FGF14: variants seen among roughly 807,000 people sequenced by gnomAD.
The protein encoded by FGF14 is fibroblast growth factor homologous factor 4.
In FGF14, 5 loss-of-function variants were observed where a neutral mutation model predicts 25.5. That is an observed-to-expected ratio of 0.20 (90% CI 0.10 to 0.41). The LOEUF (loss-of-function observed/expected upper bound fraction) is 0.41, where lower values mean the gene tolerates loss of function less well. Ranked by LOEUF, FGF14 falls within the 10% of genes least tolerant of loss-of-function variation. The probability of loss-of-function intolerance (pLI) is 1.00; values close to 1 mark genes in which losing one functional copy is unlikely to be tolerated. For synonymous variants in FGF14, 138 were observed against 118.3 expected, an observed-to-expected ratio of 1.17 and a Z score of -1.08; for missense variants, 222 against 320.1, an observed-to-expected ratio of 0.69 and a Z score of 2.34.
At chr13:102,027,536 C>T (rs7992933) in intron 1 of FGF14, among the ~76,000 whole-genome samples, 10,955 of 151,942 alleles carry the variant, frequency 0.072, 1,296 homozygotes, top group African/African-American at 0.25. Flanking sequence ...TCTTGAATTC[C>T]CCCAATTTAC....
At position 101,916,683 on chromosome 13, in the gene FGF14, G is replaced by C; in HGVS notation, c.-38C>G. On this transcript the variant is annotated 5_prime_UTR_variant, in exon 1 of 5. Coordinates refer to ENST00000376143, the MANE Select transcript of FGF14 (RefSeq NM_004115.4). The stretch of plus-strand genomic sequence containing the variant: ...AACGGGTCCGGGGAGGGAGGGCGCG[G>C]GAGGACGGCGAGCCGGGGGCACCGG... 1 of 1,463,242 alleles carries C rather than the reference G, an allele frequency of 6.8e-7. No homozygotes were observed. Among genetic ancestry groups the C allele is most frequent in the Non-Finnish European group, 9.0e-7 (1 of 1,106,104 alleles). 90.6% of individuals were successfully genotyped at this position (1,463,242 alleles called of 1,614,324 possible).
chr13:102,228,514 A>AT (rs1439720596), intron 1 of FGF14, among the ~76,000 whole-genome samples: 1 of 152,184 alleles, frequency 6.6e-6, no homozygotes, highest in East Asian at 1.9e-4. Context: ...ATTGAAAACA[A>AT]TGTTCTCCTA....
chr13:102,400,934 G>A lies in FGF14; in HGVS notation c.208+537C>T, dbSNP rs935153320. On this transcript the variant is annotated intron_variant, in intron 1 of 4. Coordinates refer to the FGF14 transcript ENST00000376131. This position sits in a 1 kb window ranked among gnomAD's most constrained non-coding sequence, Gnocchi z 4.3. ...AATGCTCGGGCACCCGGAGCTGGAC[G>A]GGGGAGGGACGCGGGGGCTGACGGA... Among the ~76,000 whole-genome samples the A allele has an allele frequency of 6.6e-6, 1 of 152,166 alleles. No individual in the cohort carries two copies.
At chr13:102,393,148 C>T (rs915443734) in intron 1 of FGF14, among the ~76,000 whole-genome samples, 1 of 152,182 alleles carries the variant, frequency 6.6e-6, no homozygotes, top group African/African-American at 2.4e-5. Flanking sequence ...ATGACTCAGT[C>T]TGAGTTTTAT....
intron 1 of FGF14, among the ~76,000 whole-genome samples, chr13:102,258,959 T>G (rs1380249813): frequency 2.6e-5 from 4 of 152,158 alleles, no homozygotes; most frequent in African/African-American, 9.7e-5. Context: ...AATAGATAGA[T>G]AGTTTTACCT....
intron 1 of FGF14, among the ~76,000 whole-genome samples, chr13:102,297,636 A>G (rs2054791129): frequency 6.6e-6 from 1 of 152,072 alleles, no homozygotes; most frequent in Admixed American, 6.6e-5. Context: ...TTATAATCCC[A>G]GCACTTTGGG....
At chr13:102,099,327 G>A (rs537386051) in intron 1 of FGF14, among the ~76,000 whole-genome samples, 30 of 152,314 alleles carry the variant, frequency 2.0e-4, no homozygotes, top group Admixed American at 9.8e-4. Context: ...GTATTTACGT[G>A]CAGAGAAACA....
At chr13:102,152,672 G>A (rs894856558) in intron 1 of FGF14, among the ~76,000 whole-genome samples, 2 of 152,140 alleles carry the variant, frequency 1.3e-5, no homozygotes, top group Non-Finnish European at 2.9e-5. Context: ...GGATCCATAA[G>A]TAACTGAAAC....
chr13:102,309,743 A>G (rs970770489), intron 1 of FGF14, among the ~76,000 whole-genome samples: 1 of 152,232 alleles, frequency 6.6e-6, no homozygotes, highest in Non-Finnish European at 1.5e-5. Flanking sequence ...AAGGGATTAT[A>G]TAAATGAAAA....
chr13:102,100,510 A>T lies in FGF14; in HGVS notation c.209-225214T>A, dbSNP rs552207318. Among the ~76,000 whole-genome samples, 12 of 152,316 alleles carry T rather than the reference A, an allele frequency of 7.9e-5. No homozygotes were observed. The East Asian group carries it at 2.1e-3, about 27-fold the overall frequency. On this transcript the variant is annotated intron_variant, in intron 1 of 4. Transcript: ENST00000376131. ...AGCCAGCATGTCAGGTGCACAGACA[A>T]GGCTTGTCAGTAGTAACAGTGATAT...
chr13:101,715,436 C>A lies in FGF14; in HGVS notation c.*7395G>T. 1.4e-6 allele frequency: 1 copy of A among 733,718 alleles called. No homozygotes were observed. The highest frequency in any genetic ancestry group is 2.4e-6 in the Non-Finnish European group (1 of 410,128). The allele number at this position is 733,718 out of a possible 1,614,324, so 45.5% of individuals were successfully genotyped here. On this transcript the variant is annotated 3_prime_UTR_variant, in exon 5 of 5. Coordinates refer to ENST00000376143, the MANE Select transcript of FGF14 (RefSeq NM_004115.4). ...ATAAGATGTAATAATAACATCATTGCACAATAAGAAAATCTACCAAGGATG... is the reference window on the plus strand; with the variant it reads ...ATAAGATGTAATAATAACATCATTGAACAATAAGAAAATCTACCAAGGATG...
chr13:102,161,570 A>AAGAAAGAAG lies in FGF14; in HGVS notation c.208+239900_208+239901insCTTCTTTCT. 7.1e-4 allele frequency among the ~76,000 whole-genome samples: 4 copies of AAGAAAGAAG among 5,652 alleles called. 1 individual carries two copies. Among genetic ancestry groups the AAGAAAGAAG allele is most frequent in the South Asian group, 8.1e-3 (1 of 124 alleles). 3.7% of individuals were successfully genotyped at this position (5,652 alleles called of 152,430 possible). A position where few individuals can be genotyped will look rare whatever the true frequency, so the allele number is the denominator to read the frequency against. ...TCTATGCAACCAACTTTCTGTGAAG[A>AAGAAAGAAG]AAGAAAGAAGAAGAAGAAGAAGAAG... On this transcript the variant is annotated intron_variant, in intron 1 of 4. Coordinates refer to the FGF14 transcript ENST00000376131.
rs57480296 is a variant in FGF14 at position 102,244,463 on chromosome 13, G to GA, written c.208+157007dup. 4.6e-3 allele frequency among the ~76,000 whole-genome samples: 648 copies of GA among 142,158 alleles called. 4 individuals are homozygous for GA. Among genetic ancestry groups the GA allele is most frequent in the East Asian group, 0.012 (60 of 4,938 alleles). 93.3% of individuals were successfully genotyped at this position (142,158 alleles called of 152,430 possible). The stretch of plus-strand genomic sequence containing the variant: ...AATAAATAAGCACAGCACTTTAAAT[G>GA]AAAAAAAAAAAACTTCCTTAAAATT... On this transcript the variant is annotated intron_variant, in intron 1 of 4. Transcript: ENST00000376131.
chr13:101,888,735 T>C (rs2046119287), intron 1 of FGF14, among the ~76,000 whole-genome samples: 1 of 152,146 alleles, frequency 6.6e-6, no homozygotes, highest in South Asian at 2.1e-4. Flanking sequence ...CAGACAACTG[T>C]AAAGGACCAC....
intron 3 of FGF14, among the ~76,000 whole-genome samples, chr13:101,814,701 C>A (rs1408065376): frequency 6.6e-6 from 1 of 152,174 alleles, no homozygotes; most frequent in Non-Finnish European, 1.5e-5. Flanking sequence ...TGGCTTCTTT[C>A]ACCCAGCATA....
At chr13:102,338,092 T>A (rs1195520952) in intron 1 of FGF14, among the ~76,000 whole-genome samples, 1 of 152,174 alleles carries the variant, frequency 6.6e-6, no homozygotes, top group Admixed American at 6.5e-5. Context: ...CTGGTTTTTT[T>A]TTTCTTGTTG....
intron 3 of FGF14, among the ~76,000 whole-genome samples, chr13:101,829,759 G>T (rs2042579137): frequency 6.6e-6 from 1 of 152,062 alleles, no homozygotes; most frequent in Non-Finnish European, 1.5e-5. Flanking sequence ...TTCACTAGGG[G>T]TTAAGATTTC....
intron 3 of FGF14, among the ~76,000 whole-genome samples, chr13:101,863,732 A>G (rs1366601214): frequency 1.3e-5 from 2 of 152,188 alleles, no homozygotes; most frequent in African/African-American, 4.8e-5. Context: ...TTGTATTTCT[A>G]TACCCTAAAC....
chr13:102,199,041 T>C (rs1462849043), intron 1 of FGF14, among the ~76,000 whole-genome samples: 1 of 152,232 alleles, frequency 6.6e-6, no homozygotes, highest in Non-Finnish European at 1.5e-5. Context: ...CTGATATAAA[T>C]CAGAACCTGA....
Sources: allele counts gnomAD v4.1 joint callset (sites outside exome capture counted in the v4.1 genomes callset), GRCh38; gene constraint gnomAD v4.1.1; non-coding constraint Gnocchi (gnomAD v3.1); transcripts MANE v1.5; gene names NCBI Gene and HGNC (gene_info 2026-07-23, HGNC 2026-07-21).